The following P4HA1 variants were observed in gnomAD, a reference collection of about 807,000 sequenced individuals.
P4HA1 encodes the protein prolyl 4-hydroxylase subunit alpha 1, also known as prolyl 4-hydroxylase subunit alpha-1.
A neutral mutation model predicts 72.8 loss-of-function variants in P4HA1; 24 were observed. That is an observed-to-expected ratio of 0.33 (90% CI 0.24 to 0.46). P4HA1 has a LOEUF of 0.46. Among genes scored for constraint, P4HA1 ranks in the 20% least tolerant of loss-of-function variants. The probability of loss-of-function intolerance (pLI) is 1.00; values close to 1 mark genes in which losing one functional copy is unlikely to be tolerated. For missense variants in P4HA1, 446 were observed against 640.6 expected, an observed-to-expected ratio of 0.70 and a Z score of 3.28; for synonymous variants, 201 against 218.8, an observed-to-expected ratio of 0.92 and a Z score of 0.72.
chr10:73,089,414 C>G (rs1056982133), intron 1 of P4HA1, among the ~76,000 whole-genome samples: 3 of 151,868 alleles, frequency 2.0e-5, no homozygotes, highest in Non-Finnish European at 4.4e-5. Flanking sequence ...GAAGACAAGC[C>G]AACAACTGGG....
At chr10:73,080,884 C>T (rs543878477) in intron 1 of P4HA1, among the ~76,000 whole-genome samples, 24 of 152,204 alleles carry the variant, frequency 1.6e-4, no homozygotes, top group Admixed American at 1.3e-3. Flanking sequence ...GCTGAGATTG[C>T]GCCACTGCAC....
chr10:73,011,114 G>A, intron 12 of P4HA1, 77 bp from the exon 13 acceptor site: 4 of 1,057,958 alleles, frequency 3.8e-6, no homozygotes, highest in Non-Finnish European at 5.8e-6. Flanking sequence ...ACTTGATATT[G>A]GATACTAGAA....
In P4HA1 at chr10:73,019,730, G is replaced by GAAAA. The variant is rs3066045; in HGVS notation, c.1249-2835_1249-2832dup. Among the ~76,000 whole-genome samples, 12 of 65,224 alleles carry GAAAA rather than the reference G, an allele frequency of 1.8e-4. 1 individual carries two copies. In the South Asian group the frequency reaches 0.01, roughly 56 times the overall value. The allele number at this position is 65,224 out of a possible 152,430, so 42.8% of individuals were successfully genotyped here. A position where few individuals can be genotyped will look rare whatever the true frequency, so the allele number is the denominator to read the frequency against. ...GGCGACAGAGCGAGACTCTGTCTCA[G>GAAAA]AAAAAAAAAAAAAAAAAGAATTCAA... On this transcript the variant is annotated intron_variant, in intron 10 of 14. Transcript: ENST00000394890.
At chr10:73,095,004 T>G (rs943456152) in intron 1 of P4HA1, among the ~76,000 whole-genome samples, 1 of 152,150 alleles carries the variant, frequency 6.6e-6, no homozygotes, top group African/African-American at 2.4e-5. Flanking sequence ...ACTACCCATT[T>G]AAAAGAGACA....
At chr10:73,048,310 C>A (rs1840925580) in intron 7 of P4HA1, among the ~76,000 whole-genome samples, 1 of 152,210 alleles carries the variant, frequency 6.6e-6, no homozygotes, top group African/African-American at 2.4e-5. Context: ...GTTACCCAGG[C>A]TGCACTGCAA....
chr10:73,080,011 A>G (rs1379082646), intron 1 of P4HA1, among the ~76,000 whole-genome samples: 1 of 152,178 alleles, frequency 6.6e-6, no homozygotes, highest in East Asian at 1.9e-4. Flanking sequence ...CTCTCCTGTG[A>G]CCATCTTTCT....
At chr10:73,034,347 G>A (rs141091050) in intron 9 of P4HA1, among the ~76,000 whole-genome samples, 21 of 152,192 alleles carry the variant, frequency 1.4e-4, no homozygotes, top group African/African-American at 4.1e-4. Flanking sequence ...CTGGTGTTAA[G>A]TACATTTACA....
intron 1 of P4HA1, among the ~76,000 whole-genome samples, chr10:73,093,945 A>AT (rs1268285193): frequency 8.8e-6 from 1 of 114,004 alleles, no homozygotes; most frequent in Admixed American, 1.1e-4. Flanking sequence ...TTTTATTTGG[A>AT]TTTTTTATAT....
At chr10:73,085,855 C>A (rs1841914904) in intron 1 of P4HA1, among the ~76,000 whole-genome samples, 1 of 152,168 alleles carries the variant, frequency 6.6e-6, no homozygotes, top group Admixed American at 6.5e-5. Context: ...TAGCTGGGTA[C>A]AGTGGCATAC....
intron 5 of P4HA1, among the ~76,000 whole-genome samples, chr10:73,058,868 G>C (rs561009271): frequency 7.0e-6 from 1 of 142,270 alleles, no homozygotes. Context: ...TCCGTGCCCC[G>C]CCGGGTTCAA....
chr10:73,025,770 G>A (rs1376644001), intron 10 of P4HA1, among the ~76,000 whole-genome samples: 4 of 152,090 alleles, frequency 2.6e-5, no homozygotes, highest in East Asian at 1.9e-4. Context: ...CAAAGTCTCA[G>A]GATACAAAAT....
chr10:73,026,599 T>C (rs1416523104), intron 10 of P4HA1, among the ~76,000 whole-genome samples: 1 of 152,104 alleles, frequency 6.6e-6, no homozygotes, highest in African/African-American at 2.4e-5. Flanking sequence ...AGCCAAAATA[T>C]ACAAGTGGGA....
At chr10:73,009,350 T>G (rs1443358042) in intron 14 of P4HA1, among the ~76,000 whole-genome samples, 1 of 152,244 alleles carries the variant, frequency 6.6e-6, no homozygotes, top group Non-Finnish European at 1.5e-5. Context: ...CATTAGGTGC[T>G]ACTCGAGCCT....
At chr10:73,091,605 T>G (rs751528378) in intron 1 of P4HA1, among the ~76,000 whole-genome samples, 4 of 152,236 alleles carry the variant, frequency 2.6e-5, no homozygotes, top group African/African-American at 7.2e-5. Context: ...TGCAGACACA[T>G]GTAACAGGAT....
In P4HA1 at chr10:73,095,540, A is replaced by G. The variant is rs1256014064; in HGVS notation, c.-33+1226T>C. Among the ~76,000 whole-genome samples, 5 of 149,846 alleles carry G rather than the reference A, an allele frequency of 3.3e-5. No individual in the cohort carries two copies. The East Asian group carries it at 7.8e-4, about 23-fold the overall frequency. On this transcript the variant is annotated intron_variant, in intron 1 of 14. Coordinates refer to ENST00000394890, the MANE Select transcript of P4HA1 (RefSeq NM_001017962.3). ...AGAACTTTAAAAAAAAAAAAAAAAA[A>G]GAGTAAAAAATTGATGAAAGAACGC...
intron 11 of P4HA1, among the ~76,000 whole-genome samples, chr10:73,015,698 T>C (rs1183562904): frequency 6.6e-6 from 1 of 152,208 alleles, no homozygotes; most frequent in African/African-American, 2.4e-5. Flanking sequence ...GAGCTGTTAT[T>C]CCCAAAGCTC....
At chr10:73,094,242 T>C (rs1007600465) in intron 1 of P4HA1, among the ~76,000 whole-genome samples, 8 of 152,098 alleles carry the variant, frequency 5.3e-5, no homozygotes, top group African/African-American at 1.9e-4. Context: ...TGTATTAGGG[T>C]CACCCACATA....
chr10:73,067,915 C>T (rs1207599159), intron 5 of P4HA1, among the ~76,000 whole-genome samples: 1 of 152,004 alleles, frequency 6.6e-6, no homozygotes, highest in Non-Finnish European at 1.5e-5. Flanking sequence ...CATTATGTGT[C>T]CCCAGTACCT....
At chr10:73,072,278 G>A (rs1359895854) in intron 3 of P4HA1, 98 bp from the exon 4 acceptor site, 16 of 914,738 alleles carry the variant, frequency 1.7e-5, no homozygotes, top group Non-Finnish European at 2.7e-5. Context: ...AAGTTTTTGA[G>A]TTCAACTATA....
Sources: allele counts gnomAD v4.1 joint callset (sites outside exome capture counted in the v4.1 genomes callset), GRCh38; gene constraint gnomAD v4.1.1; transcripts MANE v1.5; gene names NCBI Gene and HGNC (gene_info 2026-07-23, HGNC 2026-07-21).